BANP: variants seen among roughly 807,000 people sequenced by gnomAD.
BANP encodes protein BANP.
BANP carries 11 observed loss-of-function variants against 68.1 expected under a neutral mutation model. That is an observed-to-expected ratio of 0.16 (90% CI 0.10 to 0.27). The LOEUF (loss-of-function observed/expected upper bound fraction) is 0.27. BANP is among the 10% of genes least tolerant of loss of function. The pLI is 1.00. For missense variants in BANP, 504 were observed against 722.7 expected, an observed-to-expected ratio of 0.70 and a Z score of 3.47; for synonymous variants, 329 against 303.2, an observed-to-expected ratio of 1.09 and a Z score of -0.88.
intron 4 of BANP, among the ~76,000 whole-genome samples, chr16:87,985,621 G>C (rs182842096): frequency 2.6e-5 from 4 of 152,212 alleles, no homozygotes; most frequent in Admixed American, 6.5e-5. Context: ...GACTGTCCTA[G>C]CTATAGAGAA....
chr16:88,059,889 C>T (rs968207509), intron 11 of BANP, among the ~76,000 whole-genome samples: 9 of 152,216 alleles, frequency 5.9e-5, no homozygotes, highest in African/African-American at 2.2e-4. Context: ...GATGGAGTCA[C>T]CTGGAGCCAC....
intron 11 of BANP, among the ~76,000 whole-genome samples, chr16:88,062,377 G>A (rs1567914006): frequency 6.6e-6 from 1 of 152,212 alleles, no homozygotes; most frequent in Admixed American, 6.5e-5. Context: ...GTAGATAGAG[G>A]AAACCAGATG....
chr16:87,952,812 T>TC (rs1421931800), intron 1 of BANP: 1 of 152,148 alleles, frequency 6.6e-6, no homozygotes, highest in East Asian at 1.9e-4. Flanking sequence ...TTTCACTCGG[T>TC]CCCCGAGACT....
At chr16:87,967,997 AC>A (rs2060389896) in intron 1 of BANP, among the ~76,000 whole-genome samples, 1 of 131,582 alleles carries the variant, frequency 7.6e-6, no homozygotes, top group Non-Finnish European at 1.6e-5. Context: ...CAGGTGATCC[AC>A]CCGCCTTGGC....
chr16:88,072,282 C>T (rs879493804), intron 13 of BANP, 70 bp downstream of exon 13: 106 of 1,523,270 alleles, frequency 7.0e-5, no homozygotes, highest in East Asian at 3.7e-4. Flanking sequence ...ACCGGGCACA[C>T]GTGGCCCCGG....
intron 4 of BANP, among the ~76,000 whole-genome samples, chr16:87,995,531 G>C (rs2066957805): frequency 6.6e-6 from 1 of 152,138 alleles, no homozygotes; most frequent in African/African-American, 2.4e-5. Flanking sequence ...TTTTCCTTGA[G>C]AGAATTCATA....
chr16:88,024,392 TA>T lies in BANP; in HGVS notation c.896-3082del, dbSNP rs1014530433. On this transcript the variant is annotated intron_variant, in intron 7 of 13. Coordinates refer to ENST00000682872, the MANE Select transcript of BANP (RefSeq NM_001386991.1). ...TGACATTCCTACTTCATGAGGCTTT[TA>T]AAAAAAAATGTCTGTCAAATAACAT... Among the ~76,000 whole-genome samples, 6 of 151,746 alleles carry T rather than the reference TA, an allele frequency of 4.0e-5. No individual in the cohort carries two copies. The South Asian group carries it at 6.2e-4, about 16-fold the overall frequency.
chr16:88,070,233 T>A (rs1021480518), intron 12 of BANP, among the ~76,000 whole-genome samples: 1 of 152,156 alleles, frequency 6.6e-6, no homozygotes, highest in African/African-American at 2.4e-5. Context: ...TCAGAGGCTG[T>A]ACATGACTTC....
chr16:88,028,918 T>C (rs2077535549), intron 8 of BANP, among the ~76,000 whole-genome samples: 1 of 152,240 alleles, frequency 6.6e-6, no homozygotes, highest in Admixed American at 6.5e-5. Flanking sequence ...CTCTAGGTAG[T>C]AGGATAATTT....
At chr16:88,029,613 A>G (rs1029156800) in intron 8 of BANP, among the ~76,000 whole-genome samples, 2 of 150,412 alleles carry the variant, frequency 1.3e-5, no homozygotes, top group South Asian at 2.1e-4. Flanking sequence ...TCCGTCTCAA[A>G]AAAAAAAAAA....
Position 88,042,894 on chromosome 16 carries a change from G to T in BANP, c.1311+4883G>T, listed in dbSNP as rs113280365. Among the ~76,000 whole-genome samples the T allele has an allele frequency of 3.6e-4, 55 of 152,354 alleles. 1 individual carries two copies. Among genetic ancestry groups the T allele is most frequent in the African/African-American group, 1.3e-3 (54 of 41,572 alleles). ...ATTGTGCCACTGCATTCCAGCCTGG[G>T]CAACAGAGCAAGACCCTGTCTCAAA... On this transcript the variant is annotated intron_variant, in intron 11 of 13. Transcript: ENST00000682872.
intron 3 of BANP, among the ~76,000 whole-genome samples, chr16:87,981,702 G>A (rs528296589): frequency 6.8e-4 from 103 of 152,350 alleles, no homozygotes; most frequent in Admixed American, 7.2e-4. Context: ...AGATGCTGCT[G>A]AAGGAGGCAT....
intron 11 of BANP, 69 bp from the exon 12 acceptor site, chr16:88,065,198 G>A (rs1857989582): frequency 3.0e-6 from 2 of 656,794 alleles, no homozygotes; most frequent in Non-Finnish European, 5.5e-6. Context: ...GTCTCAGTGG[G>A]CTGAAAGCAA....
In BANP at chr16:88,071,052, G is replaced by C. The variant is rs547514440; in HGVS notation, c.1378-1017G>C. 1 of 224,948 alleles carries C rather than the reference G, an allele frequency of 4.4e-6. No individual in the cohort carries two copies. The highest frequency in any genetic ancestry group is 5.3e-5 in the Admixed American group (1 of 18,922). 13.9% of individuals were successfully genotyped at this position (224,948 alleles called of 1,614,324 possible). ...TGTTTGCGGGGGCCAAGTTTGCTCTGTGCAGTGCTGCTGTTGTCCAGGGCA... is the reference window on the plus strand; with the variant it reads ...TGTTTGCGGGGGCCAAGTTTGCTCTCTGCAGTGCTGCTGTTGTCCAGGGCA... On this transcript the variant is annotated intron_variant, in intron 12 of 13. Coordinates refer to ENST00000682872, the MANE Select transcript of BANP (RefSeq NM_001386991.1). The surrounding 1 kb of genome is among the most constrained non-coding windows in gnomAD (Gnocchi z 6.5).
At position 88,064,547 on chromosome 16, in the gene BANP, G is replaced by A. The variant is rs1431468767; in HGVS notation, c.1312-720G>A. 6.6e-6 allele frequency among the ~76,000 whole-genome samples: 1 copy of A among 152,278 alleles called. No homozygotes were observed. The highest frequency in any genetic ancestry group is 1.9e-4 in the East Asian group (1 of 5,196). On this transcript the variant is annotated intron_variant, in intron 11 of 13. Transcript: ENST00000682872. This position sits in a 1 kb window ranked among gnomAD's most constrained non-coding sequence, Gnocchi z 4.5. ...TAGGCGTCCAGGCCAGCATCGGGTTGGCTGAGGGTTTGCCGAGGAGAGGGC... is the reference window on the plus strand; with the variant it reads ...TAGGCGTCCAGGCCAGCATCGGGTTAGCTGAGGGTTTGCCGAGGAGAGGGC...
Position 88,044,406 on chromosome 16 carries a change from C to A in BANP, c.1311+6395C>A, listed in dbSNP as rs115184243. 9.5e-3 allele frequency among the ~76,000 whole-genome samples: 1,444 copies of A among 152,370 alleles called. 19 individuals are homozygous for A. The highest frequency in any genetic ancestry group is 0.032 in the African/African-American group (1,332 of 41,590). On this transcript the variant is annotated intron_variant, in intron 11 of 13. Transcript: ENST00000682872. ...TCCCTCGCTCACGTGTGTGCACTTA[C>A]AAGGTCGGAACAGGTCCACAGAACG...
At chr16:88,050,794 C>T (rs1262524252) in intron 11 of BANP, among the ~76,000 whole-genome samples, 2 of 152,128 alleles carry the variant, frequency 1.3e-5, no homozygotes, top group Non-Finnish European at 1.5e-5. Context: ...TTCAAGCAAT[C>T]CTCCCACCTC....
intron 3 of BANP, 49 bp downstream of exon 3, chr16:87,981,176 A>G: frequency 7.4e-7 from 1 of 1,343,142 alleles, no homozygotes. Flanking sequence ...GCAGATTTCA[A>G]GGGCTGCTAT....
At chr16:88,008,333 G>T (rs2071897962) in intron 6 of BANP, among the ~76,000 whole-genome samples, 1 of 152,202 alleles carries the variant, frequency 6.6e-6, no homozygotes, top group Admixed American at 6.5e-5. Flanking sequence ...CAGGGCAATG[G>T]AGTTTTTCAC....
Sources: gnomAD v4.1 joint callset for allele counts (sites outside exome capture counted in the v4.1 genomes callset) on GRCh38, gnomAD v4.1.1 for gene constraint, Gnocchi (gnomAD v3.1) non-coding constraint, MANE v1.5 for transcripts, NCBI Gene and HGNC (gene_info 2026-07-23, HGNC 2026-07-21) for gene names.